BIRC6: variants seen among roughly 807,000 people sequenced by gnomAD.
The protein encoded by BIRC6 is baculoviral IAP repeat containing 6.
In BIRC6, 98 loss-of-function variants were observed where a neutral mutation model predicts 503.3. The observed-to-expected ratio is 0.19, with a 90% CI of 0.17 to 0.23. The LOEUF (loss-of-function observed/expected upper bound fraction) is 0.23, where lower values mean the gene tolerates loss of function less well. Ranked by LOEUF, BIRC6 falls within the 10% of genes least tolerant of loss-of-function variation. The probability of loss-of-function intolerance (pLI) is 1.00; values close to 1 mark genes in which losing one functional copy is unlikely to be tolerated. For missense variants in BIRC6, 5,360 were observed against 5,806.0 expected (o/e 0.92, Z 2.50); for synonymous variants, 2,240 against 2,078.7 (o/e 1.08, Z -2.11).
Position 32,479,568 on chromosome 2 carries a change from A to T in BIRC6, c.7359A>T (p.Ser2453=), listed in dbSNP as rs141751482. The change falls in exon 37 of 74, where the codon TCA becomes TCT. Residue 2453 remains serine, a synonymous_variant. Transcript: ENST00000421745. ...GDSDDSLQQS[S]VQLLETIDEP... The stretch of plus-strand genomic sequence containing the variant: ...CTGATGACTCCCTTCAACAGTCCTC[A>T]GTTCAGTTGCTGGAAACTATAGATG... The T allele has an allele frequency of 2.2e-5, 35 of 1,609,802 alleles. No individual in the cohort carries two copies. In the African/African-American group the frequency reaches 4.5e-4, roughly 21 times the overall value.
At chr2:32,477,701 C>A (rs576812020) in intron 35 of BIRC6, 118 bp downstream of exon 35, 2 of 513,362 alleles carry the variant, frequency 3.9e-6, no homozygotes, top group Non-Finnish European at 6.3e-6. Flanking sequence ...GAGTTCCAGA[C>A]TAGTGTGGGC....
At chr2:32,601,969 A>AT (rs929203332) in intron 70 of BIRC6, among the ~76,000 whole-genome samples, 2 of 152,184 alleles carry the variant, frequency 1.3e-5, no homozygotes, top group Admixed American at 6.5e-5. Context: ...CTGTTAAGCT[A>AT]TTTTGCATTT....
rs142938281 is a variant in BIRC6 at position 32,415,394 on chromosome 2, G to A, written c.2103G>A (p.Pro701=). The A allele has an allele frequency of 4.2e-5, 67 of 1,613,840 alleles. No individual in the cohort carries two copies. The highest frequency in any genetic ancestry group is 9.9e-5 in the South Asian group (9 of 91,082). Residue 701 remains proline, a synonymous_variant, in exon 10 of 74, where the codon CCG becomes CCA. Transcript: ENST00000421745. The stretch of plus-strand genomic sequence containing the variant: ...ATGCAGCAGCCAACCTTACCTCTCC[G>A]GATTCTGAGAAGTGGAACTCTGTGT... ...FADAAANLTS[P]DSEKWNSVFP... is the part of the protein sequence containing the mutation.
intron 1 of BIRC6, among the ~76,000 whole-genome samples, chr2:32,377,339 C>A (rs1266187456): frequency 3.3e-5 from 5 of 151,454 alleles, no homozygotes; most frequent in Non-Finnish European, 5.9e-5. Flanking sequence ...TTTCTCAGAA[C>A]AATGATGTTC....
In BIRC6 at chr2:32,371,406, G is replaced by A. The variant is rs902252116; in HGVS notation, c.326-6182G>A. ...TATTTTTTTTTGGAGACAGAGTCTC[G>A]CTCTGTTGCCCAGGCTGGAGAGCAG... On this transcript the variant is annotated intron_variant, in intron 1 of 73. Transcript: ENST00000421745. Among the ~76,000 whole-genome samples the A allele has an allele frequency of 6.7e-4, 101 of 150,706 alleles. 1 individual carries two copies. The highest frequency in any genetic ancestry group is 2.1e-4 in the Non-Finnish European group (14 of 67,722).
chr2:32,600,152 T>C (rs1322560745), intron 70 of BIRC6, among the ~76,000 whole-genome samples: 1 of 152,220 alleles, frequency 6.6e-6, no homozygotes, highest in Admixed American at 6.5e-5. Flanking sequence ...CTATGATACA[T>C]GCTATTAGGA....
At chr2:32,472,931 G>C (rs1249225000) in intron 32 of BIRC6, 181 bp from the exon 33 acceptor site, 2 of 518,018 alleles carry the variant, frequency 3.9e-6, no homozygotes, top group Non-Finnish European at 6.8e-6. Flanking sequence ...TTAGATAATT[G>C]ACAGTTATCC....
chr2:32,599,943 A>T, intron 70 of BIRC6, 43 bp downstream of exon 70: 3 of 1,573,008 alleles, frequency 1.9e-6, no homozygotes, highest in Non-Finnish European at 1.7e-6. Context: ...CAATGATTGT[A>T]TACAAAGGTT....
chr2:32,454,033 TAA>T, intron 23 of BIRC6, 91 bp downstream of exon 23: 1 of 1,078,230 alleles, frequency 9.3e-7, no homozygotes, highest in Non-Finnish European at 1.3e-6. Context: ...TCTAATTATG[TAA>T]TTTTCATTGC....
intron 65 of BIRC6, chr2:32,564,660 T>G (rs1282409185): frequency 1.3e-5 from 2 of 152,256 alleles, no homozygotes; most frequent in Non-Finnish European, 2.9e-5. Context: ...GAAATATCTT[T>G]TCAAATTCTC....
At chr2:32,436,900 T>C (rs1268042987) in intron 15 of BIRC6, among the ~76,000 whole-genome samples, 2 of 147,922 alleles carry the variant, frequency 1.4e-5, no homozygotes, top group Non-Finnish European at 3.0e-5. Flanking sequence ...TTTTTTTTTT[T>C]TTTTTTGAGA....
At chr2:32,536,328 A>G (rs2057231156) in intron 61 of BIRC6, among the ~76,000 whole-genome samples, 1 of 152,048 alleles carries the variant, frequency 6.6e-6, no homozygotes, top group Non-Finnish European at 1.5e-5. Flanking sequence ...CCATTTGTCA[A>G]TTTTGGCTTT....
Position 32,512,875 on chromosome 2 carries a change from T to C in BIRC6, c.10347-58T>C, listed in dbSNP as rs1000133135. ...ACCATGCAGAGATGGTATTTATCTA[T>C]ATGAAATGCCAATTGCACTATATAG... On this transcript the variant is annotated intron_variant, in intron 53 of 73. Transcript: ENST00000421745. 26 of 1,330,112 alleles carry C rather than the reference T, an allele frequency of 2.0e-5. No individual in the cohort carries two copies. The African/African-American group carries it at 3.0e-4, about 16-fold the overall frequency. 82.4% of individuals were successfully genotyped at this position (1,330,112 alleles called of 1,614,324 possible). A position where few individuals can be genotyped will look rare whatever the true frequency, so the allele number is the denominator to read the frequency against.
At chr2:32,575,774 AAAAG>A (rs1449056881) in intron 66 of BIRC6, among the ~76,000 whole-genome samples, 1 of 152,152 alleles carries the variant, frequency 6.6e-6, no homozygotes, top group African/African-American at 2.4e-5. Context: ...CAAAAAAAAA[AAAAG>A]AAAGAAACAT....
At chr2:32,611,626 G>A (rs2062879126) in intron 73 of BIRC6, 44 bp downstream of exon 73, 1 of 1,484,608 alleles carries the variant, frequency 6.7e-7, no homozygotes, top group Non-Finnish European at 9.0e-7. Flanking sequence ...TTTAAGAGTT[G>A]TGTAATTATT....
Position 32,487,767 on chromosome 2 carries a change from A to C in BIRC6, c.7934A>C (p.Lys2645Thr), listed in dbSNP as rs755987410. 1 of 1,613,254 alleles carries C rather than the reference A, an allele frequency of 6.2e-7. No individual in the cohort carries two copies. Among genetic ancestry groups the C allele is most frequent in the South Asian group, 1.1e-5 (1 of 91,056 alleles). ...CCAATGTTAAATGTTTGTTTCAACA[A>C]ACTTTTTTCCATGCTTCAAGTCCAT... ...SVPMLNVCFN[K>T]LFSMLQVHHV... Residue 2645 changes from lysine (K) to threonine (T), a missense_variant, in exon 41 of 74, where the codon AAA becomes ACA. By Grantham distance (78) the Lys-to-Thr change is moderately conservative. Transcript: ENST00000421745.
intron 59 of BIRC6, chr2:32,529,124 A>G (rs2056523106): frequency 1.3e-5 from 2 of 152,244 alleles, no homozygotes; most frequent in Admixed American, 6.5e-5. Context: ...GTGGAGGCGA[A>G]CAAACTATCG....
intron 1 of BIRC6, among the ~76,000 whole-genome samples, chr2:32,371,965 C>A (rs1390971274): frequency 6.6e-6 from 1 of 151,420 alleles, no homozygotes; most frequent in South Asian, 2.1e-4. Context: ...GCCACCGTGC[C>A]CAGTTATTTT....
chr2:32,477,387 G>A lies in BIRC6; in HGVS notation c.6872G>A (p.Arg2291His), dbSNP rs551174027. 29 of 1,613,716 alleles carry A rather than the reference G, an allele frequency of 1.8e-5. 1 individual carries two copies. The highest frequency in any genetic ancestry group is 7.7e-5 in the South Asian group (7 of 91,064). ...GTGCAGCACTTTAAGGATTTAATTCGTTTACGTCGGACAGCAGAATGGTCC... is the reference window on the plus strand; with the variant it reads ...GTGCAGCACTTTAAGGATTTAATTCATTTACGTCGGACAGCAGAATGGTCC... ...ATSKHFKDLI[R>H]LRRTAEWSRS... Residue 2291 changes from arginine to histidine, a missense_variant, in exon 35 of 74, where the codon CGT becomes CAT. Physicochemically the swap from Arg to His is conservative, Grantham distance 29 (BLOSUM62 0). Around this residue, in one of 16 missense-constraint regions of BIRC6, gnomAD observed 2,299 missense variants for 2,267.2 expected, o/e 1.01. Transcript: ENST00000421745.
Sources: gnomAD v4.1 joint callset for allele counts (sites outside exome capture counted in the v4.1 genomes callset) on GRCh38, gnomAD v4.1.1 for gene constraint, gnomAD v4.1.1 regional missense constraint, MANE v1.5 for transcripts, NCBI Gene and HGNC (gene_info 2026-07-23, HGNC 2026-07-21) for gene names.